Variants in MARCHF7 observed in about 807,000 individuals in gnomAD.
The protein encoded by MARCHF7 is membrane associated ring-CH-type finger 7, also known as E3 ubiquitin-protein ligase MARCHF7.
In MARCHF7, 20 loss-of-function variants were observed where a neutral mutation model predicts 76.5. The observed-to-expected ratio is 0.26, with a 90% CI of 0.18 to 0.38. The LOEUF (loss-of-function observed/expected upper bound fraction) is 0.38. Among genes scored for constraint, MARCHF7 ranks in the 10% least tolerant of loss-of-function variants. The probability of loss-of-function intolerance (pLI) is 1.00; values close to 1 mark genes in which losing one functional copy is unlikely to be tolerated. For missense variants in MARCHF7, 797 were observed against 812.9 expected (o/e 0.98, Z 0.24); for synonymous variants, 295 against 293.0 (o/e 1.01, Z -0.07).
chr2:159,770,859 C>T lies in MARCHF7; in HGVS notation c.*3517C>T, dbSNP rs1386687325. The T allele has an allele frequency of 6.6e-6, 1 of 151,932 alleles. No homozygotes were observed. The highest frequency in any genetic ancestry group is 1.5e-5 in the Non-Finnish European group (1 of 67,892). 9.4% of individuals were successfully genotyped at this position (151,932 alleles called of 1,614,324 possible). A position where few individuals can be genotyped will look rare whatever the true frequency, so the allele number is the denominator to read the frequency against. On this transcript the variant is annotated 3_prime_UTR_variant, in exon 12 of 12. Transcript: ENST00000409175. ...AACGTATCCCCATTGATAAGTGATA[C>T]GTGACTAATTTACGTGAAATTTATA...
intron 4 of MARCHF7, among the ~76,000 whole-genome samples, chr2:159,731,065 G>C (rs936674939): frequency 2.0e-5 from 3 of 151,966 alleles, no homozygotes; most frequent in Non-Finnish European, 4.4e-5. Context: ...GCTAATTTTT[G>C]TGTTTTTTTG....
At chr2:159,749,586 G>A (rs1705362069) in intron 7 of MARCHF7, among the ~76,000 whole-genome samples, 1 of 152,028 alleles carries the variant, frequency 6.6e-6, no homozygotes, top group Non-Finnish European at 1.5e-5. Flanking sequence ...GACCTCAAAT[G>A]ATCCACCTGC....
chr2:159,756,257 T>C (rs768453125), intron 8 of MARCHF7, among the ~76,000 whole-genome samples: 2 of 152,226 alleles, frequency 1.3e-5, no homozygotes, highest in Non-Finnish European at 2.9e-5. Context: ...TTTAAGAACA[T>C]TGGCTTTTTG....
At chr2:159,757,216 G>A (rs1706440342) in intron 8 of MARCHF7, among the ~76,000 whole-genome samples, 1 of 152,042 alleles carries the variant, frequency 6.6e-6, no homozygotes. Context: ...GTTTTATAAG[G>A]TTATAATAAG....
At chr2:159,728,110 A>C (rs1009418630) in intron 3 of MARCHF7, among the ~76,000 whole-genome samples, 1 of 152,202 alleles carries the variant, frequency 6.6e-6, no homozygotes, top group Non-Finnish European at 1.5e-5. Context: ...TTTGAGAAAC[A>C]CTTTATTAGC....
At chr2:159,758,239 A>G (rs1706576057) in intron 8 of MARCHF7, among the ~76,000 whole-genome samples, 1 of 152,260 alleles carries the variant, frequency 6.6e-6, no homozygotes, top group Non-Finnish European at 1.5e-5. Context: ...TAATTACACA[A>G]GACTACTACC....
Position 159,748,729 on chromosome 2 carries a change from C to T in MARCHF7, c.1439C>T (p.Pro480Leu), listed in dbSNP as rs1705206091. Residue 480 changes from proline to leucine, a missense_variant, in exon 7 of 12, where the codon CCT becomes CTT. Pro to Leu is a moderately conservative substitution (Grantham distance 98). Around this residue, in one of 3 missense-constraint regions of MARCHF7, gnomAD observed 643 missense variants for 631.5 expected, o/e 1.02. Transcript: ENST00000409175. ...GRNTGISGIL[P>L]GSLFRFAVPP... Reference sequence around the variant, plus strand: ...AATACAGGAATATCAGGGATTCTTCCTGGTTCCTTATTCCGGTTTGCAGTC... The same window carrying T: ...AATACAGGAATATCAGGGATTCTTCTTGGTTCCTTATTCCGGTTTGCAGTC... 1 of 1,614,166 alleles carries T rather than the reference C, an allele frequency of 6.2e-7. No individual in the cohort carries two copies. The highest frequency in any genetic ancestry group is 1.1e-5 in the South Asian group (1 of 91,074).
intron 3 of MARCHF7, among the ~76,000 whole-genome samples, chr2:159,721,685 T>C (rs893619287): frequency 6.6e-6 from 1 of 152,220 alleles, no homozygotes; most frequent in African/African-American, 2.4e-5. Context: ...AAGTGTAGCC[T>C]CTTGTCAGTG....
intron 7 of MARCHF7, among the ~76,000 whole-genome samples, chr2:159,749,349 TTTGTTG>T (rs1553783667): frequency 3.3e-5 from 5 of 151,488 alleles, no homozygotes; most frequent in Admixed American, 6.6e-5. Flanking sequence ...TTTGTTTTTT[TTTGTTG>T]TTGTTGTTGT....
At position 159,748,835 on chromosome 2, in the gene MARCHF7, T is replaced by C. The variant is rs1408500649; in HGVS notation, c.1545T>C (p.Asp515=). 6.2e-7 allele frequency: 1 copy of C among 1,613,736 alleles called. No individual in the cohort carries two copies. The highest frequency in any genetic ancestry group is 1.3e-5 in the African/African-American group (1 of 74,888). ...DIIPSGWNSA[D]GKSDKTKSAP... ...TTCCTTCAGGTTGGAATTCAGCTGA[T>C]GGTAAAAGTGATAAAACTAAAAGTG... Residue 515 remains aspartate (D), a synonymous_variant, in exon 7 of 12, where the codon GAT becomes GAC. Transcript: ENST00000409175.
At chr2:159,766,848 A>G (rs1474362995) in intron 11 of MARCHF7, among the ~76,000 whole-genome samples, 1 of 152,274 alleles carries the variant, frequency 6.6e-6, no homozygotes, top group African/African-American at 2.4e-5. Context: ...CTCTTATTCT[A>G]TGTACACTTC....
chr2:159,766,915 A>T (rs1369803590), intron 11 of MARCHF7, among the ~76,000 whole-genome samples: 1 of 152,176 alleles, frequency 6.6e-6, no homozygotes, highest in Non-Finnish European at 1.5e-5. Context: ...GATTTTACTC[A>T]GGTGTGTGAG....
At chr2:159,767,243 C>T (rs751554813) in intron 11 of MARCHF7, 41 bp from the exon 12 acceptor site, 12 of 1,434,356 alleles carry the variant, frequency 8.4e-6, no homozygotes, top group Non-Finnish European at 1.2e-5. Flanking sequence ...ATTCTTATCC[C>T]CCTTAAAATC....
intron 4 of MARCHF7, among the ~76,000 whole-genome samples, chr2:159,731,906 C>T (rs1702843670): frequency 6.6e-6 from 1 of 151,554 alleles, no homozygotes; most frequent in South Asian, 2.1e-4. Context: ...AGATCGAGAC[C>T]ATCCTGGCTA....
In MARCHF7 at chr2:159,743,214, G is replaced by T. The variant is rs973139432; in HGVS notation, c.307G>T (p.Ala103Ser). ...KLSCTNCTTS[A>S]GRNVGNGLNT... is the part of the protein sequence containing the mutation. ...TTCCTGTACAAACTGTACTACCTCA[G>T]CTGGGAGAAATGTTGGAAATGGTTT... Residue 103 changes from alanine to serine, a missense_variant, in exon 5 of 12, where the codon GCT (alanine) becomes TCT (serine). Transcript: ENST00000409175. 2.9e-5 allele frequency: 46 copies of T among 1,613,892 alleles called. No individual in the cohort carries two copies. The highest frequency in any genetic ancestry group is 3.6e-5 in the Non-Finnish European group (43 of 1,179,964).
chr2:159,752,605 T>G, intron 8 of MARCHF7, 34 bp downstream of exon 8: 1 of 1,427,082 alleles, frequency 7.0e-7, no homozygotes. Context: ...TCACAATTTT[T>G]CTAAGAGATG....
At chr2:159,713,174 A>G (rs764413917) in intron 1 of MARCHF7, among the ~76,000 whole-genome samples, 3 of 152,156 alleles carry the variant, frequency 2.0e-5, no homozygotes, top group Admixed American at 6.5e-5. Flanking sequence ...TGACGCCCTG[A>G]GAGTTATTTT....
At chr2:159,721,003 G>A (rs374990084) in intron 3 of MARCHF7, among the ~76,000 whole-genome samples, 11 of 151,240 alleles carry the variant, frequency 7.3e-5, no homozygotes, top group East Asian at 1.9e-4. Context: ...GATTACAGGC[G>A]CGAGCCACCA....
intron 3 of MARCHF7, among the ~76,000 whole-genome samples, chr2:159,726,570 G>T (rs1399692047): frequency 1.3e-5 from 2 of 152,040 alleles, no homozygotes; most frequent in East Asian, 3.9e-4. Context: ...CCAGATACAG[G>T]TTTTAATTTA....
Sources: allele counts gnomAD v4.1 joint callset (sites outside exome capture counted in the v4.1 genomes callset), GRCh38; gene constraint gnomAD v4.1.1; regional missense constraint gnomAD v4.1.1; transcripts MANE v1.5; gene names NCBI Gene and HGNC (gene_info 2026-07-23, HGNC 2026-07-21).